NCAM2: variants seen among roughly 807,000 people sequenced by gnomAD.
NCAM2 encodes the protein neural cell adhesion molecule 2.
NCAM2 carries 30 observed loss-of-function variants against 98.1 expected under a neutral mutation model. The ratio of observed to expected loss-of-function variants is 0.31; its 90% CI spans 0.23 to 0.41. NCAM2 has a LOEUF of 0.41. Ranked by LOEUF, NCAM2 falls within the 10% of genes least tolerant of loss-of-function variation. The probability of loss-of-function intolerance (pLI) is 1.00; values close to 1 mark genes in which losing one functional copy is unlikely to be tolerated. For synonymous variants in NCAM2, 368 were observed against 342.4 expected (o/e 1.07, Z -0.83); for missense variants, 867 against 1,005.8 (o/e 0.86, Z 1.87).
chr21:21,543,179 A>G lies in NCAM2; in HGVS notation c.*5222A>G, dbSNP rs1168861442. 6.6e-6 allele frequency: 1 copy of G among 151,848 alleles called. No homozygotes were observed. The highest frequency in any genetic ancestry group is 1.5e-5 in the Non-Finnish European group (1 of 67,860). The allele number at this position is 151,848 out of a possible 1,614,324, so 9.4% of individuals were successfully genotyped here. On this transcript the variant is annotated 3_prime_UTR_variant, in exon 18 of 18. Coordinates refer to ENST00000400546, the MANE Select transcript of NCAM2 (RefSeq NM_004540.5). Reference sequence around the variant, plus strand: ...TTTCAATATGGTATGTCCCAATGAAATGCTGTATATATATGTCTAAACTGT... The same window carrying G: ...TTTCAATATGGTATGTCCCAATGAAGTGCTGTATATATATGTCTAAACTGT...
intron 16 of NCAM2, among the ~76,000 whole-genome samples, chr21:21,531,274 T>C (rs373321170): frequency 1.2e-4 from 19 of 152,306 alleles, no homozygotes; most frequent in East Asian, 9.6e-4. Context: ...TTCATAAATT[T>C]TTTTCAGTGT....
intron 1 of NCAM2, among the ~76,000 whole-genome samples, chr21:21,088,282 C>G (rs1181243544): frequency 6.6e-6 from 1 of 152,028 alleles, no homozygotes; most frequent in Non-Finnish European, 1.5e-5. Flanking sequence ...TAATGCAAAG[C>G]CAGATATTAG....
intron 1 of NCAM2, among the ~76,000 whole-genome samples, chr21:21,113,565 C>T (rs2736439): frequency 0.99 from 149,998 of 152,050 alleles, 74,007 homozygotes; most frequent in East Asian, 1. Flanking sequence ...TGGCCTATTA[C>T]TGAAAAAAAA....
At chr21:21,115,245 G>A (rs554366366) in intron 1 of NCAM2, among the ~76,000 whole-genome samples, 6 of 152,272 alleles carry the variant, frequency 3.9e-5, no homozygotes, top group Admixed American at 1.3e-4. Flanking sequence ...TAGCATAAAA[G>A]AAATAATTTT....
intron 8 of NCAM2, among the ~76,000 whole-genome samples, chr21:21,365,246 T>C (rs1602116516): frequency 2.3e-5 from 1 of 44,064 alleles, no homozygotes; most frequent in South Asian, 6.7e-4. Flanking sequence ...TGCGTGTGTG[T>C]GTGTGTGTGT....
At chr21:21,150,756 A>G (rs1433652408) in intron 1 of NCAM2, among the ~76,000 whole-genome samples, 1 of 151,554 alleles carries the variant, frequency 6.6e-6, no homozygotes, top group East Asian at 1.9e-4. Context: ...TAGTGATGGT[A>G]TTGTTTTCTG....
At chr21:21,530,076 T>G (rs1569141449) in intron 16 of NCAM2, among the ~76,000 whole-genome samples, 1 of 144,070 alleles carries the variant, frequency 6.9e-6, no homozygotes, top group Non-Finnish European at 1.5e-5. Context: ...TTAAATAAAA[T>G]TATATAATTT....
In NCAM2 at chr21:21,069,567, C is replaced by T. The variant is rs887713516; in HGVS notation, c.55+70949C>T. ...CTGGTGATGATTCCCCAACTGTGTA[C>T]CCACTCAAACACTTTTCGACCTACC... On this transcript the variant is annotated intron_variant, in intron 1 of 17. Transcript: ENST00000400546. Among the ~76,000 whole-genome samples, 12 of 152,236 alleles carry T rather than the reference C, an allele frequency of 7.9e-5. No homozygotes were observed. The South Asian group carries it at 2.5e-3, about 31-fold the overall frequency.
At chr21:21,332,155 G>A (rs1004539369) in intron 6 of NCAM2, among the ~76,000 whole-genome samples, 9 of 151,980 alleles carry the variant, frequency 5.9e-5, no homozygotes, top group East Asian at 3.9e-4. Context: ...TGCCCTGCCC[G>A]CCTCGGCCTC....
At chr21:21,335,746 A>G (rs1337544101) in intron 7 of NCAM2, 81 bp downstream of exon 7, 17 of 1,134,234 alleles carry the variant, frequency 1.5e-5, no homozygotes, top group Non-Finnish European at 2.0e-5. Context: ...CATTTGAACT[A>G]TTTAAACTTT....
At chr21:21,123,780 T>A (rs1007699209) in intron 1 of NCAM2, among the ~76,000 whole-genome samples, 1 of 151,802 alleles carries the variant, frequency 6.6e-6, no homozygotes, top group Admixed American at 6.6e-5. Flanking sequence ...GTTACTGTTA[T>A]CCTCATTTTA....
chr21:21,449,546 A>T (rs566097491), intron 12 of NCAM2, among the ~76,000 whole-genome samples: 8 of 152,176 alleles, frequency 5.3e-5, no homozygotes, highest in Non-Finnish European at 1.5e-5. Flanking sequence ...TTGATAGCGC[A>T]TTTTAGATGA....
chr21:21,246,027 C>T (rs1037294984), intron 1 of NCAM2, among the ~76,000 whole-genome samples: 2 of 152,184 alleles, frequency 1.3e-5, no homozygotes, highest in African/African-American at 2.4e-5. Flanking sequence ...TAATGACTTA[C>T]TTCTGACAAA....
intron 16 of NCAM2, among the ~76,000 whole-genome samples, chr21:21,523,773 G>A (rs1989162297): frequency 6.6e-6 from 1 of 151,568 alleles, no homozygotes; most frequent in Admixed American, 6.6e-5. Flanking sequence ...AAATAAACAA[G>A]TTAAAGAAAG....
chr21:21,472,967 T>TACAC (rs3039039), intron 14 of NCAM2, among the ~76,000 whole-genome samples: 115 of 142,386 alleles, frequency 8.1e-4, no homozygotes, highest in Admixed American at 9.5e-4. Flanking sequence ...TACATATATG[T>TACAC]ACACACACAC....
intron 1 of NCAM2, among the ~76,000 whole-genome samples, chr21:21,160,364 A>G (rs2067744876): frequency 1.3e-5 from 2 of 151,976 alleles, no homozygotes. Flanking sequence ...CTTGTTTTCA[A>G]TACATTGCCA....
intron 12 of NCAM2, among the ~76,000 whole-genome samples, chr21:21,441,788 G>A (rs1441403339): frequency 2.0e-5 from 3 of 152,166 alleles, no homozygotes; most frequent in African/African-American, 7.2e-5. Context: ...AGTGCCCTTA[G>A]GCTGGAGTGG....
intron 1 of NCAM2, among the ~76,000 whole-genome samples, chr21:21,199,041 A>G (rs1485821972): frequency 1.3e-5 from 2 of 152,180 alleles, no homozygotes; most frequent in South Asian, 4.1e-4. Context: ...TAAAAAAATC[A>G]TTTCTCTTTA....
At chr21:21,074,115 A>T (rs2065629127) in intron 1 of NCAM2, among the ~76,000 whole-genome samples, 1 of 152,132 alleles carries the variant, frequency 6.6e-6, no homozygotes, top group African/African-American at 2.4e-5. Context: ...TATGTAATAA[A>T]ATTGTCACTG....
Sources: allele counts gnomAD v4.1 joint callset (sites outside exome capture counted in the v4.1 genomes callset), GRCh38; gene constraint gnomAD v4.1.1; transcripts MANE v1.5; gene names NCBI Gene and HGNC (gene_info 2026-07-23, HGNC 2026-07-21).